SLCO6A1: variants seen among roughly 807,000 people sequenced by gnomAD.
The protein encoded by SLCO6A1 is solute carrier organic anion transporter family member 6A1.
A neutral mutation model predicts 72.7 loss-of-function variants in SLCO6A1; 65 were observed. The ratio of observed to expected loss-of-function variants is 0.89; its 90% confidence interval spans 0.73 to 1.10. SLCO6A1 has a LOEUF of 1.10. SLCO6A1 is among the 50% of genes least tolerant of loss of function. The pLI is 0.00. For synonymous variants in SLCO6A1, 314 were observed against 298.2 expected (o/e 1.05, Z -0.55); for missense variants, 874 against 872.6 (o/e 1.00, Z -0.02).
At chr5:102,487,731 A>G (rs1752505652) in intron 1 of SLCO6A1, among the ~76,000 whole-genome samples, 1 of 152,220 alleles carries the variant, frequency 6.6e-6, no homozygotes, top group Non-Finnish European at 1.5e-5. Flanking sequence ...TTTAGAGACT[A>G]GATCCAAGAT....
chr5:102,420,641 G>T (rs532808801), intron 7 of SLCO6A1, among the ~76,000 whole-genome samples: 143 of 152,042 alleles, frequency 9.4e-4, no homozygotes, highest in African/African-American at 3.3e-3. Context: ...AGATGAGATA[G>T]CACAGTAAAT....
chr5:102,466,059 G>C (rs969344424), intron 4 of SLCO6A1, among the ~76,000 whole-genome samples: 6 of 151,970 alleles, frequency 3.9e-5, no homozygotes, highest in African/African-American at 1.2e-4. Context: ...ATAAGCGCAG[G>C]ATGTGGAGGT....
intron 9 of SLCO6A1, among the ~76,000 whole-genome samples, chr5:102,400,432 C>T (rs752209664): frequency 7.3e-5 from 11 of 151,702 alleles, no homozygotes; most frequent in African/African-American, 2.2e-4. Context: ...AAAGAGAGCA[C>T]GAAGGCAAAA....
At position 102,483,889 on chromosome 5, in the gene SLCO6A1, C is replaced by T. The variant is rs1427133960; in HGVS notation, c.359-3455G>A. ...ATGCCCCAGCTCCCACAGAAGTGAT[C>T]TGGTGAGTTTGAGTTCAACTTATGT... On this transcript the variant is annotated intron_variant, in intron 1 of 13. Coordinates refer to ENST00000506729, the MANE Select transcript of SLCO6A1 (RefSeq NM_173488.5). Among the ~76,000 whole-genome samples, 4 of 152,200 alleles carry T rather than the reference C, an allele frequency of 2.6e-5. No homozygotes were observed. In the East Asian group the frequency reaches 7.7e-4, roughly 29 times the overall value.
At chr5:102,482,605 A>G (rs559452901) in intron 1 of SLCO6A1, among the ~76,000 whole-genome samples, 42 of 152,328 alleles carry the variant, frequency 2.8e-4, no homozygotes, top group Non-Finnish European at 5.4e-4. Context: ...ATAATTATCT[A>G]TAAGACCAAA....
intron 3 of SLCO6A1, among the ~76,000 whole-genome samples, chr5:102,476,568 T>C (rs1751911054): frequency 6.6e-6 from 1 of 152,114 alleles, no homozygotes; most frequent in African/African-American, 2.4e-5. Flanking sequence ...TCTTTACAAC[T>C]AGGTGTCATA....
At position 102,452,587 on chromosome 5, in the gene SLCO6A1, C is replaced by T. The variant is rs184902193; in HGVS notation, c.1131+5795G>A. On this transcript the variant is annotated intron_variant, in intron 6 of 13. Coordinates refer to ENST00000506729, the MANE Select transcript of SLCO6A1 (RefSeq NM_173488.5). ...ATTTTACTTGCATCTATCTTGTCTA[C>T]TTTAAAACTATTAAAATTACTGACA... Among the ~76,000 whole-genome samples the T allele has an allele frequency of 2.1e-3, 317 of 152,194 alleles. 3 individuals carry two copies. Among genetic ancestry groups the T allele is most frequent in the African/African-American group, 7.2e-3 (301 of 41,548 alleles).
intron 6 of SLCO6A1, among the ~76,000 whole-genome samples, chr5:102,441,160 T>C (rs1048971301): frequency 6.6e-6 from 1 of 152,234 alleles, no homozygotes; most frequent in African/African-American, 2.4e-5. Flanking sequence ...ATTGCAATCT[T>C]GTTTAACATT....
chr5:102,413,602 A>G (rs552858019), intron 8 of SLCO6A1, among the ~76,000 whole-genome samples: 40 of 152,278 alleles, frequency 2.6e-4, no homozygotes, highest in Middle Eastern at 6.8e-3. Context: ...TTGTATGGTC[A>G]TATGCTTCCA....
At chr5:102,410,413 T>C (rs776847415) in intron 9 of SLCO6A1, among the ~76,000 whole-genome samples, 5 of 152,154 alleles carry the variant, frequency 3.3e-5, no homozygotes, top group African/African-American at 7.2e-5. Context: ...TGGGTGGCCA[T>C]GGGCAGGCCA....
chr5:102,414,042 C>G (rs1219381982), intron 8 of SLCO6A1, among the ~76,000 whole-genome samples: 1 of 151,846 alleles, frequency 6.6e-6, no homozygotes, highest in Admixed American at 6.6e-5. Context: ...TTTTTCATAC[C>G]ATAAACAAGT....
At chr5:102,389,505 C>A (rs1338489168) in intron 11 of SLCO6A1, among the ~76,000 whole-genome samples, 1 of 139,034 alleles carries the variant, frequency 7.2e-6, no homozygotes, top group African/African-American at 2.7e-5. Flanking sequence ...ATTCTCAGAA[C>A]TAAAAACTCT....
At chr5:102,447,401 A>G (rs1750171947) in intron 6 of SLCO6A1, among the ~76,000 whole-genome samples, 3 of 151,742 alleles carry the variant, frequency 2.0e-5, no homozygotes, top group Admixed American at 1.3e-4. Flanking sequence ...AAGGAGGAGT[A>G]CCTCCCCCTT....
intron 9 of SLCO6A1, among the ~76,000 whole-genome samples, chr5:102,412,166 C>T (rs1748023318): frequency 6.6e-6 from 1 of 151,936 alleles, no homozygotes; most frequent in Non-Finnish European, 1.5e-5. Context: ...TACAACCCTC[C>T]CCTCCCCTGT....
rs1042378711 is a variant in SLCO6A1, at chr5:102,415,892, C to A, written c.1473-2749G>T. On this transcript the variant is annotated intron_variant, in intron 8 of 13. Coordinates refer to ENST00000506729, the MANE Select transcript of SLCO6A1 (RefSeq NM_173488.5). ...CACAAATAATTTCACTGAAAGGGGG[C>A]AAATGACATGAATAAACATTTTTCA... Among the ~76,000 whole-genome samples, 3 of 152,030 alleles carry A rather than the reference C, an allele frequency of 2.0e-5. No individual in the cohort carries two copies. In the East Asian group the frequency reaches 5.8e-4, roughly 29 times the overall value.
intron 8 of SLCO6A1, among the ~76,000 whole-genome samples, chr5:102,417,992 T>C (rs200813005): frequency 3.5e-5 from 3 of 85,186 alleles, no homozygotes; most frequent in Admixed American, 1.0e-4. Context: ...CGAAACTCCG[T>C]CAAAAAAAAA....
At chr5:102,445,189 C>A (rs780231851) in intron 6 of SLCO6A1, among the ~76,000 whole-genome samples, 1 of 152,130 alleles carries the variant, frequency 6.6e-6, no homozygotes. Context: ...TTCCCTCCAG[C>A]GGTGTTTAAG....
rs1364426763 is a variant in SLCO6A1, at chr5:102,413,008, T to G, written c.1608A>C (p.Lys536Asn). The change falls in exon 9 of 14, where the codon AAA (lysine) becomes AAC (asparagine). Residue 536 changes from lysine to asparagine, a missense_variant. Transcript: ENST00000506729. ...TAATTACCTTTTTTTGGTTTTGTGC[T>G]TTAGAATATGTACACCCTGCAAAGC... is the stretch of plus-strand genomic sequence containing the variant. ...SPCFAGCTYS[K>N]AQNQKKMYYN... is the part of the protein sequence containing the mutation. The G allele has an allele frequency of 1.4e-6, 2 of 1,439,170 alleles. No individual in the cohort carries two copies. Among genetic ancestry groups the G allele is most frequent in the African/African-American group, 3.0e-5 (2 of 67,654 alleles). 89.2% of individuals were successfully genotyped at this position (1,439,170 alleles called of 1,614,324 possible).
chr5:102,422,880 G>A (rs748190401), intron 7 of SLCO6A1, among the ~76,000 whole-genome samples: 6 of 152,024 alleles, frequency 3.9e-5, no homozygotes, highest in Middle Eastern at 3.2e-3. Flanking sequence ...AGAGAGAAAG[G>A]TCAGGTTACC....
Sources: allele counts gnomAD v4.1 joint callset (sites outside exome capture counted in the v4.1 genomes callset), GRCh38; gene constraint gnomAD v4.1.1; transcripts MANE v1.5; gene names NCBI Gene and HGNC (gene_info 2026-07-23, HGNC 2026-07-21).